Variants in FGF20 observed in about 807,000 individuals in gnomAD.
FGF20 encodes fibroblast growth factor 20.
A neutral mutation model predicts 16.7 loss-of-function variants in FGF20; 8 were observed. The ratio of observed to expected loss-of-function variants is 0.48; its 90% CI spans 0.28 to 0.87. FGF20 has a LOEUF of 0.87. Ranked by LOEUF, FGF20 falls within the 40% of genes least tolerant of loss-of-function variation. FGF20 has a pLI of 0.10. For missense variants in FGF20, 397 were observed against 281.4 expected (o/e 1.41, Z -2.94); for synonymous variants, 161 against 118.6 (o/e 1.36, Z -2.32).
At chr8:16,995,850 C>T (rs112520311) in intron 1 of FGF20, 92 bp from the exon 2 acceptor site, 15 of 662,948 alleles carry the variant, frequency 2.3e-5, no homozygotes, top group South Asian at 1.2e-4. Context: ...TAGCGGTAGT[C>T]GGCCATTATT....
At chr8:16,993,869 T>G (rs1417963969) in intron 2 of FGF20, among the ~76,000 whole-genome samples, 1 of 152,106 alleles carries the variant, frequency 6.6e-6, no homozygotes, top group Non-Finnish European at 1.5e-5. Flanking sequence ...TATGAGAATT[T>G]AATGCTGCCG....
intron 1 of FGF20, 63 bp from the exon 2 acceptor site, chr8:16,995,821 A>G (rs1810029260): frequency 1.1e-6 from 1 of 935,902 alleles, no homozygotes; most frequent in Non-Finnish European, 1.7e-6. Context: ...CATATGACTA[A>G]CAAAAATCTT....
At position 17,001,929 on chromosome 8, in the gene FGF20, G is replaced by C. The variant is rs1253072793; in HGVS notation, c.104C>G (p.Pro35Arg). The C allele has an allele frequency of 6.7e-7, 1 of 1,492,828 alleles. No homozygotes were observed. Among genetic ancestry groups the C allele is most frequent in the African/African-American group, 1.5e-5 (1 of 68,642 alleles). The allele number at this position is 1,492,828 out of a possible 1,614,324, so 92.5% of individuals were successfully genotyped here. The change falls in exon 1 of 3, where the codon CCG becomes CGG. Residue 35 changes from proline (P) to arginine (R), a missense_variant. Pro to Arg is a moderately radical substitution (Grantham distance 103, BLOSUM62 -2). Coordinates refer to ENST00000180166, the MANE Select transcript of FGF20 (RefSeq NM_019851.3). ...CGCGCTCCTGCGCTCGCCCAGCAGC[G>C]GCGGCCGCTCCCCGGCAGGAGGCAA... is the stretch of plus-strand genomic sequence containing the variant. ...FLLPPAGERPPLLGERRSAAE... is the reference protein window; with the variant it reads ...FLLPPAGERPRLLGERRSAAE...
Position 16,999,748 on chromosome 8 carries a change from C to A in FGF20, c.286+1999G>T, listed in dbSNP as rs17514999. On this transcript the variant is annotated intron_variant, in intron 1 of 2. Transcript: ENST00000180166. Reference sequence around the variant, plus strand: ...GTAGAGAGGGGTTTCACTATCTTGGCCAGGCTGGTCTTGAACTCCTGACCT... The same window carrying A: ...GTAGAGAGGGGTTTCACTATCTTGGACAGGCTGGTCTTGAACTCCTGACCT... 7.3e-3 allele frequency among the ~76,000 whole-genome samples: 1,088 copies of A among 148,044 alleles called. 12 individuals are homozygous for A. The highest frequency in any genetic ancestry group is 0.025 in the African/African-American group (980 of 39,784).
In FGF20 at chr8:16,993,198, G is replaced by A. The variant is rs1181065536; in HGVS notation, c.510C>T (p.Asn170=). The part of the protein sequence containing the change: ...DTGRRYFVAL[N]KDGTPRDGAR... ...CGCCATCTCTTGGAGTTCCGTCTTT[G>A]TTAAGTGCCACAAAATACCTGCGGC... The change falls in exon 3 of 3, where the codon AAC becomes AAT. Residue 170 remains asparagine (N), a synonymous_variant. Transcript: ENST00000180166. 2 of 1,613,988 alleles carry A rather than the reference G, an allele frequency of 1.2e-6. No individual in the cohort carries two copies. The highest frequency in any genetic ancestry group is 1.7e-5 in the Admixed American group (1 of 59,992).
At chr8:16,996,309 G>A (rs1234000111) in intron 1 of FGF20, among the ~76,000 whole-genome samples, 2 of 152,130 alleles carry the variant, frequency 1.3e-5, no homozygotes, top group East Asian at 3.9e-4. Flanking sequence ...CTACGACAAT[G>A]GTATAATGTG....
At chr8:17,001,258 G>C (rs1243071677) in intron 1 of FGF20, among the ~76,000 whole-genome samples, 1 of 152,182 alleles carries the variant, frequency 6.6e-6, no homozygotes, top group East Asian at 1.9e-4. Context: ...GCATAACTGT[G>C]GGGCATGTTT....
chr8:16,995,762 C>T lies in FGF20; in HGVS notation c.287-4G>A. ...ACACTGATGAATTCCAAGATACCTG[C>T]ATATGTAAACAATTCATAAAAACAC... is the stretch of plus-strand genomic sequence containing the variant. On this transcript the variant is annotated splice_polypyrimidine_tract_variant and splice_region_variant and intron_variant, in intron 1 of 2. Coordinates refer to ENST00000180166, the MANE Select transcript of FGF20 (RefSeq NM_019851.3). 1 of 1,503,640 alleles carries T rather than the reference C, an allele frequency of 6.7e-7. No individual in the cohort carries two copies. The highest frequency in any genetic ancestry group is 2.3e-5 in the East Asian group (1 of 44,404). 93.1% of individuals were successfully genotyped at this position (1,503,640 alleles called of 1,614,324 possible).
In FGF20 at chr8:16,993,006, A is replaced by G. The variant is rs1465724434; in HGVS notation, c.*66T>C. 5 of 1,535,402 alleles carry G rather than the reference A, an allele frequency of 3.3e-6. No homozygotes were observed. The highest frequency in any genetic ancestry group is 2.5e-5 in the South Asian group (2 of 80,488). ...GAACGTCTCCTTGGGTCATTATTTTATGATGGGAACTATGACAAGAAAGAA... is the reference window on the plus strand; with the variant it reads ...GAACGTCTCCTTGGGTCATTATTTTGTGATGGGAACTATGACAAGAAAGAA... On this transcript the variant is annotated 3_prime_UTR_variant, in exon 3 of 3. Transcript: ENST00000180166.
Position 16,995,266 on chromosome 8 carries a change from G to T in FGF20, c.390+389C>A, listed in dbSNP as rs569847281. On this transcript the variant is annotated intron_variant, in intron 2 of 2. Transcript: ENST00000180166. ...TCAGCAAGTAAGTGACGTATATTTA[G>T]CTGTGGAAGATGATAACAGGTAGAG... Among the ~76,000 whole-genome samples, 7 of 152,298 alleles carry T rather than the reference G, an allele frequency of 4.6e-5. No individual in the cohort carries two copies. In the South Asian group the frequency reaches 1.4e-3, roughly 32 times the overall value.
Position 17,002,189 on chromosome 8 carries a change from G to T in FGF20, c.-157C>A. 3.0e-6 allele frequency: 2 copies of T among 656,880 alleles called. No homozygotes were observed. Among genetic ancestry groups the T allele is most frequent in the East Asian group, 3.6e-5 (1 of 27,874 alleles). 40.7% of individuals were successfully genotyped at this position (656,880 alleles called of 1,614,324 possible). On this transcript the variant is annotated 5_prime_UTR_variant, in exon 1 of 3. Transcript: ENST00000180166. ...CTCCGGAGGGACTTTGCACTGAAAT[G>T]GCAGGGAAGCTCTCACTGTCTTGGA...
chr8:17,001,481 C>T (rs572805705), intron 1 of FGF20, among the ~76,000 whole-genome samples: 1 of 152,068 alleles, frequency 6.6e-6, no homozygotes. Context: ...TGCGAAGCGC[C>T]CACCCTTTCT....
At chr8:16,994,019 C>G (rs983600780) in intron 2 of FGF20, among the ~76,000 whole-genome samples, 2 of 152,252 alleles carry the variant, frequency 1.3e-5, no homozygotes, top group African/African-American at 4.8e-5. Context: ...CAGACCAATA[C>G]CAGTCTATGG....
chr8:16,998,712 G>A (rs1342042239), intron 1 of FGF20, among the ~76,000 whole-genome samples: 2 of 150,852 alleles, frequency 1.3e-5, no homozygotes, highest in Non-Finnish European at 1.5e-5. Context: ...GAATAGGGGA[G>A]AATAAAGGAA....
At chr8:16,993,647 C>A (rs1408483096) in intron 2 of FGF20, among the ~76,000 whole-genome samples, 3 of 151,990 alleles carry the variant, frequency 2.0e-5, no homozygotes, top group Non-Finnish European at 4.4e-5. Context: ...TACTTCATTC[C>A]CATTATTATT....
chr8:17,002,025 G>A lies in FGF20; in HGVS notation c.8C>T (p.Pro3Leu). 6.5e-7 allele frequency: 1 copy of A among 1,538,996 alleles called. No individual in the cohort carries two copies. Among genetic ancestry groups the A allele is most frequent in the East Asian group, 2.7e-5 (1 of 37,568 alleles). Reference protein sequence around the residue: MAPLAEVGGFLGG... With the variant: MALLAEVGGFLGG... ...CAGAAAGCCCCCGACTTCGGCTAAGGGAGCCATGGAGGGGGAGATCCGGAA... is the reference window on the plus strand; with the variant it reads ...CAGAAAGCCCCCGACTTCGGCTAAGAGAGCCATGGAGGGGGAGATCCGGAA... The change falls in exon 1 of 3, where the codon CCC becomes CTC. Residue 3 changes from proline (P) to leucine (L), a missense_variant. Physicochemically the swap from Pro to Leu is moderately conservative, Grantham distance 98. Transcript: ENST00000180166.
Position 16,993,037 on chromosome 8 carries a change from G to A in FGF20, c.*35C>T, listed in dbSNP as rs2150433490. Reference sequence around the variant, plus strand: ...GGAACTATGACAAGAAAGAATGGTTGTGGTTTGACTCTTCCATAATGTCAC... The same window carrying A: ...GGAACTATGACAAGAAAGAATGGTTATGGTTTGACTCTTCCATAATGTCAC... On this transcript the variant is annotated 3_prime_UTR_variant, in exon 3 of 3. Transcript: ENST00000180166. 1 of 1,597,950 alleles carries A rather than the reference G, an allele frequency of 6.3e-7. No homozygotes were observed.
Position 17,001,812 on chromosome 8 carries a change from C to A in FGF20, c.221G>T (p.Gly74Val). 1.9e-6 allele frequency: 3 copies of A among 1,556,186 alleles called. No individual in the cohort carries two copies. Among genetic ancestry groups the A allele is most frequent in the Admixed American group, 1.9e-5 (1 of 53,358 alleles). Residue 74 changes from glycine to valine, a missense_variant, in exon 1 of 3, where the codon GGC (glycine) becomes GTC (valine). Coordinates refer to ENST00000180166, the MANE Select transcript of FGF20 (RefSeq NM_019851.3). ...LRRRQLYCRT[G>V]FHLQILPDGS... ...GTCGGGCAGGATCTGCAGGTGGAAG[C>A]CGGTGCGGCAATAGAGCTGCCGGCG...
intron 1 of FGF20, among the ~76,000 whole-genome samples, chr8:17,001,319 G>C (rs1032204665): frequency 2.0e-5 from 3 of 152,144 alleles, no homozygotes; most frequent in Non-Finnish European, 4.4e-5. Context: ...GGACGGCATG[G>C]GGGAAAATGA....
Sources: allele counts gnomAD v4.1 joint callset (sites outside exome capture counted in the v4.1 genomes callset), GRCh38; gene constraint gnomAD v4.1.1; transcripts MANE v1.5; gene names NCBI Gene and HGNC (gene_info 2026-07-23, HGNC 2026-07-21).